The following PCDHA12 variants were observed in gnomAD, a reference collection of about 807,000 sequenced individuals.
PCDHA12 encodes the protein protocadherin alpha 12, also known as protocadherin alpha-12.
Under a neutral mutation model 60.0 loss-of-function variants are expected in PCDHA12, and 44 were observed. That is an observed-to-expected ratio of 0.73 (90% CI 0.58 to 0.94). The LOEUF (loss-of-function observed/expected upper bound fraction) is 0.94. PCDHA12 is among the 40% of genes least tolerant of loss of function. The pLI is 0.00. For missense variants in PCDHA12, 1,276 were observed against 1,239.7 expected (o/e 1.03, Z -0.44); for synonymous variants, 569 against 553.0 (o/e 1.03, Z -0.40).
At chr5:140,975,562 A>T (rs1445534188) in intron 1 of PCDHA12, among the ~76,000 whole-genome samples, 2 of 152,206 alleles carry the variant, frequency 1.3e-5, no homozygotes, top group African/African-American at 4.8e-5. Flanking sequence ...GGAAAAGGAG[A>T]TATTATATGC....
intron 1 of PCDHA12, chr5:140,884,538 G>C: frequency 6.2e-7 from 1 of 1,614,112 alleles, no homozygotes; most frequent in Non-Finnish European, 8.5e-7. Flanking sequence ...AGGCGGCCGA[G>C]GGTGTGCTCT....
chr5:140,950,087 T>G (rs1433717313), intron 1 of PCDHA12, among the ~76,000 whole-genome samples: 3 of 151,938 alleles, frequency 2.0e-5, no homozygotes, highest in Admixed American at 6.6e-5. Flanking sequence ...ATGCTATAGT[T>G]TTCATTTGTA....
chr5:140,928,043 C>G (rs1554205400), intron 1 of PCDHA12: 2 of 1,614,192 alleles, frequency 1.2e-6, no homozygotes, highest in Non-Finnish European at 1.7e-6. Context: ...AGTGCAGGCC[C>G]TTTTCAGCTG....
chr5:141,001,529 A>T (rs1344687772), intron 3 of PCDHA12, among the ~76,000 whole-genome samples: 1 of 152,106 alleles, frequency 6.6e-6, no homozygotes, highest in Non-Finnish European at 1.5e-5. Context: ...TCTCTCTCTG[A>T]TCCTGGACAG....
At position 140,929,227 on chromosome 5, in the gene PCDHA12, G is replaced by C. The variant is rs141300036; in HGVS notation, c.2368-49722G>C. ...GTTGCGTGGGGAGTACAATGCTGCC[G>C]ACCTGCGAAATCTTGCCACTGGGGT... On this transcript the variant is annotated intron_variant, in intron 1 of 3. Transcript: ENST00000398631. 7.4e-6 allele frequency: 12 copies of C among 1,613,892 alleles called. No homozygotes were observed. In the African/African-American group the frequency reaches 1.5e-4, roughly 20 times the overall value.
In PCDHA12 at chr5:140,877,110, C is replaced by A. The variant is rs1554169339; in HGVS notation, c.1638C>A (p.Gly546=). 18 of 1,613,500 alleles carry A rather than the reference C, an allele frequency of 1.1e-5. No homozygotes were observed. The highest frequency in any genetic ancestry group is 1.7e-4 in the Middle Eastern group (1 of 5,954). ...SARDAGVPPL[G]SNVTLQVFVL... ...GCGACGCCGGCGTGCCGCCTCTGGG[C>A]AGCAACGTGACGCTGCAGGTGTTCG... The change falls in exon 1 of 4, where the codon GGC becomes GGA. Residue 546 remains glycine (G), a synonymous_variant. Coordinates refer to ENST00000398631, the MANE Select transcript of PCDHA12 (RefSeq NM_018903.4).
chr5:140,920,780 G>A lies in PCDHA12; in HGVS notation c.2367+42941G>A, dbSNP rs187594262. Among the ~76,000 whole-genome samples the A allele has an allele frequency of 7.9e-3, 1,202 of 151,454 alleles. 5 individuals carry two copies. Among genetic ancestry groups the A allele is most frequent in the African/African-American group, 0.019 (781 of 41,244 alleles). ...AATTGCTTACACCTGGGAGGTGGAG[G>A]TTGCAGGGAACCAAGATCACGCCAC... On this transcript the variant is annotated intron_variant, in intron 1 of 3. Transcript: ENST00000398631.
At chr5:140,947,530 CAATTTCTACAAAG>C (rs2094141786) in intron 1 of PCDHA12, among the ~76,000 whole-genome samples, 1 of 151,588 alleles carries the variant, frequency 6.6e-6, no homozygotes, top group African/African-American at 2.4e-5. Flanking sequence ...ATCAACTTTT[CAATTTCTACAAAG>C]AATTCCGCTG....
chr5:140,997,559 T>A (rs550494855), intron 3 of PCDHA12, among the ~76,000 whole-genome samples: 2 of 152,148 alleles, frequency 1.3e-5, no homozygotes, highest in South Asian at 4.1e-4. Flanking sequence ...ACAGGACAAC[T>A]GTCATATGTG....
At position 140,877,389 on chromosome 5, in the gene PCDHA12, G is replaced by A. The variant is rs1554169667; in HGVS notation, c.1917G>A (p.Glu639=). The A allele has an allele frequency of 1.9e-6, 3 of 1,613,994 alleles. No individual in the cohort carries two copies. Among genetic ancestry groups the A allele is most frequent in the South Asian group, 1.1e-5 (1 of 91,086 alleles). Residue 639 remains glutamate, a synonymous_variant, in exon 1 of 4, where the codon GAG becomes GAA. Transcript: ENST00000398631. ...TCAGCACGACACGCATCCTGGATGA[G>A]GCGGACGCTCCGCGCCACCGCCTGC... ...GEISTTRILD[E]ADAPRHRLLV...
At chr5:140,925,545 T>C (rs2082554124) in intron 1 of PCDHA12, among the ~76,000 whole-genome samples, 1 of 151,896 alleles carries the variant, frequency 6.6e-6, no homozygotes, top group Non-Finnish European at 1.5e-5. Flanking sequence ...ATACCTAATG[T>C]AAATGACAAG....
intron 3 of PCDHA12, among the ~76,000 whole-genome samples, chr5:140,993,524 A>ACGGG (rs2097569997): frequency 2.0e-5 from 3 of 147,314 alleles, no homozygotes; most frequent in Admixed American, 2.0e-4. Flanking sequence ...AGAGAGAGAC[A>ACGGG]GAGAGAGAGA....
At chr5:140,997,044 T>C (rs2097756836) in intron 3 of PCDHA12, among the ~76,000 whole-genome samples, 1 of 152,180 alleles carries the variant, frequency 6.6e-6, no homozygotes, top group South Asian at 2.1e-4. Flanking sequence ...TGAACTTTAC[T>C]TTTTAGAGCA....
intron 1 of PCDHA12, among the ~76,000 whole-genome samples, chr5:140,885,773 G>T (rs1419137937): frequency 6.6e-6 from 1 of 152,016 alleles, no homozygotes; most frequent in African/African-American, 2.4e-5. Flanking sequence ...TATAGTATTA[G>T]TGAATTTGAG....
chr5:140,876,062 G>T lies in PCDHA12; in HGVS notation c.590G>T (p.Arg197Leu). Residue 197 changes from arginine (R) to leucine (L), a missense_variant, in exon 1 of 4, where the codon CGG (arginine) becomes CTG (leucine). Physicochemically the swap from Arg to Leu is moderately radical, Grantham distance 102. Transcript: ENST00000398631. ...DKSILPELVL[R>L]KLLDREQTPK... is the part of the protein sequence containing the mutation. ...AGTATATTGCCTGAATTAGTTCTTC[G>T]GAAGTTATTGGACAGAGAGCAAACG... is the stretch of plus-strand genomic sequence containing the variant. 1 of 1,613,842 alleles carries T rather than the reference G, an allele frequency of 6.2e-7. No homozygotes were observed. Among genetic ancestry groups the T allele is most frequent in the Non-Finnish European group, 8.5e-7 (1 of 1,179,886 alleles).
chr5:140,877,334 C>T lies in PCDHA12; in HGVS notation c.1862C>T (p.Pro621Leu), dbSNP rs375199455. The change falls in exon 1 of 4, where the codon CCG (proline) becomes CTG (leucine). Residue 621 changes from proline (P) to leucine (L), a missense_variant. Pro to Leu is a moderately conservative substitution (Grantham distance 98, BLOSUM62 -3). Transcript: ENST00000398631. ...LQPAAVGAHI[P>L]FHVGLYTGEI... ...CCGGCGGCGGTCGGCGCGCACATCCCGTTCCACGTGGGGCTGTACACTGGC... is the reference window on the plus strand; with the variant it reads ...CCGGCGGCGGTCGGCGCGCACATCCTGTTCCACGTGGGGCTGTACACTGGC... 6.2e-7 allele frequency: 1 copy of T among 1,614,002 alleles called. No individual in the cohort carries two copies. The highest frequency in any genetic ancestry group is 8.5e-7 in the Non-Finnish European group (1 of 1,179,872).
chr5:140,920,632 T>C (rs1054888668), intron 1 of PCDHA12, among the ~76,000 whole-genome samples: 2 of 152,018 alleles, frequency 1.3e-5, no homozygotes, highest in Non-Finnish European at 2.9e-5. Context: ...GATCACAAGG[T>C]CAAGAGATTG....
intron 1 of PCDHA12, chr5:140,883,057 G>A (rs781846985): frequency 1.2e-6 from 2 of 1,614,006 alleles, no homozygotes; most frequent in South Asian, 1.1e-5. Flanking sequence ...TAGTGATCAA[G>A]CTAAATGCCA....
chr5:140,897,629 T>A (rs2066228656), intron 1 of PCDHA12, among the ~76,000 whole-genome samples: 1 of 152,116 alleles, frequency 6.6e-6, no homozygotes, highest in Non-Finnish European at 1.5e-5. Context: ...TACTATTGTG[T>A]ATAGTGCCAC....
Sources: gnomAD v4.1 joint callset for allele counts (sites outside exome capture counted in the v4.1 genomes callset) on GRCh38, gnomAD v4.1.1 for gene constraint, MANE v1.5 for transcripts, NCBI Gene and HGNC (gene_info 2026-07-23, HGNC 2026-07-21) for gene names.